The following SEPTIN11 variants were observed in gnomAD, a reference collection of about 807,000 sequenced individuals.
SEPTIN11 encodes the protein septin 11, also known as septin-11.
SEPTIN11 carries 25 observed loss-of-function variants against 51.4 expected under a neutral mutation model. The ratio of observed to expected loss-of-function variants is 0.49; its 90% CI spans 0.35 to 0.68. The LOEUF (loss-of-function observed/expected upper bound fraction) is 0.68, where lower values mean the gene tolerates loss of function less well. Ranked by LOEUF, SEPTIN11 falls within the 30% of genes least tolerant of loss-of-function variation. The pLI is 0.00. For missense variants in SEPTIN11, 381 were observed against 520.8 expected (o/e 0.73, Z 2.61); for synonymous variants, 174 against 184.1 (o/e 0.95, Z 0.44).
At chr4:77,002,330 A>G (rs1335766304) in intron 2 of SEPTIN11, among the ~76,000 whole-genome samples, 2 of 152,228 alleles carry the variant, frequency 1.3e-5, no homozygotes, top group East Asian at 3.8e-4. Context: ...TTTTCAACCT[A>G]GTAAAATAAG....
chr4:77,019,112 C>A, intron 5 of SEPTIN11, 53 bp from the exon 6 acceptor site: 1 of 1,521,820 alleles, frequency 6.6e-7, no homozygotes, highest in Admixed American at 1.9e-5. Flanking sequence ...CTGGTGGAAA[C>A]CAGTCTGTCA....
chr4:76,972,256 A>G (rs1315317721), intron 1 of SEPTIN11: 1 of 152,250 alleles, frequency 6.6e-6, no homozygotes, highest in Non-Finnish European at 1.5e-5. Context: ...CTTGTTACAC[A>G]GAAGTTCTAA....
chr4:76,958,934 A>T, intron 1 of SEPTIN11: 1 of 1,285,824 alleles, frequency 7.8e-7, no homozygotes, highest in Non-Finnish European at 1.1e-6. Context: ...TCCCTTCTTA[A>T]AAAACTGGAA....
At chr4:77,039,521 C>T (rs1163593422), downstream of SEPTIN11, 27 of 985,338 alleles carry the variant, frequency 2.7e-5, no homozygotes, top group Non-Finnish European at 3.3e-5. Context: ...TAACTCCTGT[C>T]CTTTCTGTCC....
chr4:76,999,340 GTC>G lies in SEPTIN11; in HGVS notation c.142+2803_142+2804del, dbSNP rs546707185. On this transcript the variant is annotated intron_variant, in intron 2 of 9. Coordinates refer to ENST00000264893, the MANE Select transcript of SEPTIN11 (RefSeq NM_018243.4). Reference sequence around the variant, plus strand: ...TGGTCCATCTATTTTTAAAATAAGAGTCTATAAAAAGTAGATCAAAATATTTG... The same window carrying G: ...TGGTCCATCTATTTTTAAAATAAGAGTATAAAAAGTAGATCAAAATATTTG... Among the ~76,000 whole-genome samples the G allele has an allele frequency of 4.2e-3, 647 of 152,278 alleles. 1 individual carries two copies. Among genetic ancestry groups the G allele is most frequent in the Non-Finnish European group, 5.8e-3 (393 of 68,024 alleles).
intron 9 of SEPTIN11, 162 bp downstream of exon 9, chr4:77,031,132 T>G: frequency 1.5e-6 from 1 of 668,778 alleles, no homozygotes; most frequent in Non-Finnish European, 2.4e-6. Context: ...GTTTTTAAAT[T>G]TTTTTAAAAG....
chr4:76,990,196 GTTTTACAGAGTGCTGATTGGTGCA>G (rs1723289417), intron 1 of SEPTIN11, among the ~76,000 whole-genome samples: 1 of 152,028 alleles, frequency 6.6e-6, no homozygotes, highest in Non-Finnish European at 1.5e-5. Flanking sequence ...TGATTGGTGC[GTTTTACAGAGTGCTGATTGGTGCA>G]TTTTACAATC....
intron 1 of SEPTIN11, among the ~76,000 whole-genome samples, chr4:76,979,872 A>G (rs1378356394): frequency 6.6e-6 from 1 of 151,956 alleles, no homozygotes; most frequent in Non-Finnish European, 1.5e-5. Flanking sequence ...AGTGGGGGCA[A>G]ACAAGCACCC....
At chr4:76,952,237 C>G (rs1721380286) in intron 1 of SEPTIN11, among the ~76,000 whole-genome samples, 1 of 152,172 alleles carries the variant, frequency 6.6e-6, no homozygotes, top group Admixed American at 6.5e-5. Flanking sequence ...TAAGAGTTCT[C>G]TGGCCCTCCC....
At position 77,037,574 on chromosome 4, in the gene SEPTIN11, G is replaced by A. The variant is rs1727120579; in HGVS notation, c.*3062G>A. ...AATCTTAGTTTAATGGTCTCTCCCTGGTGCTAACTGCTGACAGTGGCCACC... is the reference window on the plus strand; with the variant it reads ...AATCTTAGTTTAATGGTCTCTCCCTAGTGCTAACTGCTGACAGTGGCCACC... On this transcript the variant is annotated 3_prime_UTR_variant, in exon 10 of 10. Coordinates refer to ENST00000264893, the MANE Select transcript of SEPTIN11 (RefSeq NM_018243.4). 1 of 985,162 alleles carries A rather than the reference G, an allele frequency of 1.0e-6. No individual in the cohort carries two copies. Among genetic ancestry groups the A allele is most frequent in the African/African-American group, 1.7e-5 (1 of 57,186 alleles). The allele number at this position is 985,162 out of a possible 1,614,324, so 61.0% of individuals were successfully genotyped here. A position where few individuals can be genotyped will look rare whatever the true frequency, so the allele number is the denominator to read the frequency against.
chr4:76,978,622 T>A (rs892249025), intron 1 of SEPTIN11, among the ~76,000 whole-genome samples: 1 of 152,046 alleles, frequency 6.6e-6, no homozygotes, highest in Non-Finnish European at 1.5e-5. Flanking sequence ...ACCTCCACCG[T>A]AAAATGGGAA....
chr4:77,038,155 C>T lies in SEPTIN11; in HGVS notation c.*3643C>T. The T allele has an allele frequency of 1.0e-6, 1 of 985,798 alleles. No homozygotes were observed. Among genetic ancestry groups the T allele is most frequent in the Non-Finnish European group, 1.2e-6 (1 of 829,880 alleles). The allele number at this position is 985,798 out of a possible 1,614,324, so 61.1% of individuals were successfully genotyped here. ...AAGTCCTGGTTCCACTGACAGGACA[C>T]ATTCTTTAGTGGGAATTAAGACCTA... is the stretch of plus-strand genomic sequence containing the variant. On this transcript the variant is annotated 3_prime_UTR_variant, in exon 10 of 10. Transcript: ENST00000264893.
chr4:77,035,760 C>T lies in SEPTIN11; in HGVS notation c.*1248C>T, dbSNP rs1726982278. 1 of 985,744 alleles carries T rather than the reference C, an allele frequency of 1.0e-6. No homozygotes were observed. The highest frequency in any genetic ancestry group is 1.2e-6 in the Non-Finnish European group (1 of 829,944). The allele number at this position is 985,744 out of a possible 1,614,324, so 61.1% of individuals were successfully genotyped here. A position where few individuals can be genotyped will look rare whatever the true frequency, so the allele number is the denominator to read the frequency against. Reference sequence around the variant, plus strand: ...TGCCTCATCAGGGATTAGAACTGGCCCATATGCCAGAACCTGTACTAAATG... The same window carrying T: ...TGCCTCATCAGGGATTAGAACTGGCTCATATGCCAGAACCTGTACTAAATG... On this transcript the variant is annotated 3_prime_UTR_variant, in exon 10 of 10. Transcript: ENST00000264893.
intron 7 of SEPTIN11, among the ~76,000 whole-genome samples, chr4:77,026,321 G>A (rs1447435011): frequency 6.6e-6 from 1 of 152,186 alleles, no homozygotes; most frequent in East Asian, 1.9e-4. Flanking sequence ...AAGACAAGCA[G>A]TAGTTAGCAA....
intron 7 of SEPTIN11, among the ~76,000 whole-genome samples, chr4:77,022,816 AAG>A (rs1725811374): frequency 6.6e-6 from 1 of 151,950 alleles, no homozygotes; most frequent in East Asian, 1.9e-4. Flanking sequence ...GTGGAATTTG[AAG>A]AGTCTATGAT....
At chr4:76,958,790 T>C (rs1355934076) in intron 1 of SEPTIN11, 1 of 979,340 alleles carries the variant, frequency 1.0e-6, no homozygotes, top group Admixed American at 2.3e-5. Flanking sequence ...ACTTTATGTT[T>C]TTTGTAAATT....
chr4:77,009,221 T>C (rs1056212213), intron 3 of SEPTIN11, among the ~76,000 whole-genome samples: 8 of 152,236 alleles, frequency 5.3e-5, no homozygotes, highest in Admixed American at 3.3e-4. Flanking sequence ...CCAGGTTGAA[T>C]CCCAGGTTTC....
rs991563460 is a variant in SEPTIN11, at chr4:77,037,663, C to T, written c.*3151C>T. ...CCTTACCCCATATCTTTTGTTCAAACATAATACCATCTTTTTGCTTCTTCT... is the reference window on the plus strand; with the variant it reads ...CCTTACCCCATATCTTTTGTTCAAATATAATACCATCTTTTTGCTTCTTCT... On this transcript the variant is annotated 3_prime_UTR_variant, in exon 10 of 10. Transcript: ENST00000264893. The T allele has an allele frequency of 6.1e-6, 6 of 985,682 alleles. No homozygotes were observed. In the African/African-American group the frequency reaches 7.0e-5, roughly 11 times the overall value. 61.1% of individuals were successfully genotyped at this position (985,682 alleles called of 1,614,324 possible).
At chr4:76,962,035 T>C (rs560150367) in intron 1 of SEPTIN11, among the ~76,000 whole-genome samples, 99 of 152,342 alleles carry the variant, frequency 6.5e-4, no homozygotes, top group African/African-American at 2.3e-3. Flanking sequence ...TAAAAAATTT[T>C]GCTGAAATAA....
Sources: gnomAD v4.1 joint callset for allele counts (sites outside exome capture counted in the v4.1 genomes callset) on GRCh38, gnomAD v4.1.1 for gene constraint, MANE v1.5 for transcripts, NCBI Gene and HGNC (gene_info 2026-07-23, HGNC 2026-07-21) for gene names.